SLC25A21: variants seen among roughly 807,000 people sequenced by gnomAD.
SLC25A21 encodes the protein mitochondrial 2-oxodicarboxylate carrier.
In SLC25A21, 47 loss-of-function variants were observed where a neutral mutation model predicts 43.8. The observed-to-expected ratio is 1.07, with a 90% CI of 0.85 to 1.37. The LOEUF (loss-of-function observed/expected upper bound fraction) is 1.37. Ranked by LOEUF, SLC25A21 falls within the 40% of genes most tolerant of loss-of-function variation. The pLI is 0.00. For missense variants in SLC25A21, 352 were observed against 350.2 expected, an observed-to-expected ratio of 1.00 and a Z score of -0.04; for synonymous variants, 131 against 121.3, an observed-to-expected ratio of 1.08 and a Z score of -0.52.
intron 1 of SLC25A21, among the ~76,000 whole-genome samples, chr14:36,882,407 A>C (rs1303212762): frequency 6.6e-6 from 1 of 152,028 alleles, no homozygotes; most frequent in South Asian, 2.1e-4. Flanking sequence ...AACATTTATC[A>C]TACAATACTC....
chr14:36,895,037 G>A, intron 1 of SLC25A21, among the ~76,000 whole-genome samples: 1 of 152,156 alleles, frequency 6.6e-6, no homozygotes, highest in Non-Finnish European at 1.5e-5. Flanking sequence ...TTTGGTATCA[G>A]GATGATGCTG....
At chr14:37,012,696 C>A (rs954979780) in intron 1 of SLC25A21, among the ~76,000 whole-genome samples, 1 of 152,204 alleles carries the variant, frequency 6.6e-6, no homozygotes, top group East Asian at 1.9e-4. Flanking sequence ...GCGTGGTAAG[C>A]CGAATTTCCC....
At chr14:37,135,206 G>C (rs1314219558) in intron 1 of SLC25A21, among the ~76,000 whole-genome samples, 1 of 152,056 alleles carries the variant, frequency 6.6e-6, no homozygotes, top group Non-Finnish European at 1.5e-5. Context: ...GGGATTTCAG[G>C]CGTAAGCCAC....
intron 1 of SLC25A21, among the ~76,000 whole-genome samples, chr14:36,937,803 T>C (rs894163868): frequency 2.2e-4 from 34 of 152,156 alleles, no homozygotes; most frequent in Admixed American, 2.0e-3. Flanking sequence ...CAAGAAAGAA[T>C]AGAAAATGCT....
intron 3 of SLC25A21, among the ~76,000 whole-genome samples, chr14:36,811,037 T>A (rs1888244523): frequency 1.9e-5 from 2 of 107,310 alleles, no homozygotes; most frequent in Non-Finnish European, 4.3e-5. Context: ...GATAGGGTCC[T>A]TCAGGAATAA....
intron 1 of SLC25A21, among the ~76,000 whole-genome samples, chr14:36,889,569 C>T (rs538787840): frequency 2.0e-5 from 3 of 152,014 alleles, no homozygotes; most frequent in Non-Finnish European, 4.4e-5. Context: ...TCACTGCAGC[C>T]TCAAACTCCT....
intron 3 of SLC25A21, among the ~76,000 whole-genome samples, chr14:36,769,206 A>C (rs966952720): frequency 6.6e-6 from 1 of 152,200 alleles, no homozygotes; most frequent in Non-Finnish European, 1.5e-5. Flanking sequence ...TCCTCAGATA[A>C]TGCAATTCAA....
intron 1 of SLC25A21, among the ~76,000 whole-genome samples, chr14:36,890,707 G>C (rs1044890672): frequency 6.6e-6 from 1 of 152,162 alleles, no homozygotes; most frequent in Middle Eastern, 3.2e-3. Context: ...GTAATATCAA[G>C]TACCTGAAGA....
At chr14:37,054,156 T>G (rs1961769185) in intron 1 of SLC25A21, among the ~76,000 whole-genome samples, 1 of 152,194 alleles carries the variant, frequency 6.6e-6, no homozygotes, top group Non-Finnish European at 1.5e-5. Context: ...GGGAACATTC[T>G]CTGTGGAAGA....
chr14:37,019,253 ACT>A (rs1194228653), intron 1 of SLC25A21, among the ~76,000 whole-genome samples: 1 of 151,154 alleles, frequency 6.6e-6, no homozygotes, highest in African/African-American at 2.4e-5. Context: ...GACACACCAA[ACT>A]CTTCCTTATC....
chr14:36,794,768 A>T (rs1335965265), intron 3 of SLC25A21, among the ~76,000 whole-genome samples: 1 of 80,302 alleles, frequency 1.2e-5, no homozygotes, highest in Non-Finnish European at 2.7e-5. Flanking sequence ...GACTCCATTT[A>T]AAAAAAAAAA....
In SLC25A21 at chr14:36,706,108, AAAAAC is replaced by A. The variant is rs549882240; in HGVS notation, c.603+5205_603+5209del. 2.0e-5 allele frequency among the ~76,000 whole-genome samples: 3 copies of A among 152,316 alleles called. No homozygotes were observed. The South Asian group carries it at 6.2e-4, about 32-fold the overall frequency. ...CAATGACTTTGTTCTAGGCCAAGAA[AAAAAC>A]AAAACAAAACACCCACCAGTGTTCA... On this transcript the variant is annotated intron_variant, in intron 7 of 9. Coordinates refer to ENST00000331299, the MANE Select transcript of SLC25A21 (RefSeq NM_030631.4).
intron 7 of SLC25A21, among the ~76,000 whole-genome samples, chr14:36,707,722 A>G (rs1883640989): frequency 6.6e-6 from 1 of 152,252 alleles, no homozygotes; most frequent in Admixed American, 6.5e-5. Context: ...TTTGTGATTT[A>G]CAATTGTTAA....
intron 3 of SLC25A21, among the ~76,000 whole-genome samples, chr14:36,735,810 TC>T (rs1349329707): frequency 1.0e-5 from 1 of 97,896 alleles, no homozygotes; most frequent in Non-Finnish European, 1.8e-5. Flanking sequence ...TATCCCAGAA[TC>T]CTTTTTTTTT....
At chr14:36,819,627 C>CA (rs1225719635) in intron 2 of SLC25A21, among the ~76,000 whole-genome samples, 1 of 152,154 alleles carries the variant, frequency 6.6e-6, no homozygotes, top group Non-Finnish European at 1.5e-5. Context: ...TATAAAATCT[C>CA]AAATTTATGC....
At chr14:36,716,309 T>G (rs1884132610) in intron 6 of SLC25A21, among the ~76,000 whole-genome samples, 1 of 152,006 alleles carries the variant, frequency 6.6e-6, no homozygotes, top group African/African-American at 2.4e-5. Context: ...GTCAGCAGGA[T>G]GAACAAGCCT....
intron 1 of SLC25A21, among the ~76,000 whole-genome samples, chr14:36,966,086 G>A (rs576494776): frequency 6.6e-6 from 1 of 152,250 alleles, no homozygotes; most frequent in South Asian, 2.1e-4. Context: ...ATGCTACATG[G>A]AACGTAAGAA....
intron 1 of SLC25A21, among the ~76,000 whole-genome samples, chr14:36,983,962 G>A (rs920524528): frequency 1.3e-5 from 2 of 152,016 alleles, no homozygotes; most frequent in African/African-American, 4.8e-5. Context: ...ATATAAAGAC[G>A]GAAATAATAG....
At chr14:36,936,283 C>T (rs555764117) in intron 1 of SLC25A21, among the ~76,000 whole-genome samples, 1 of 152,248 alleles carries the variant, frequency 6.6e-6, no homozygotes, top group African/African-American at 2.4e-5. Context: ...GAGCTATTAT[C>T]TCATTAGGAT....
Sources: gnomAD v4.1 joint callset for allele counts (sites outside exome capture counted in the v4.1 genomes callset) on GRCh38, gnomAD v4.1.1 for gene constraint, MANE v1.5 for transcripts, NCBI Gene and HGNC (gene_info 2026-07-23, HGNC 2026-07-21) for gene names.